Variants in NELL1 observed in about 807,000 individuals in gnomAD.
NELL1 encodes protein kinase C-binding protein NELL1.
In NELL1, 76 loss-of-function variants were observed where a neutral mutation model predicts 107.4. The observed-to-expected ratio is 0.71, with a 90% CI of 0.59 to 0.86. NELL1 has a LOEUF of 0.86. Among genes scored for constraint, NELL1 ranks in the 40% least tolerant of loss-of-function variants. The pLI, the probability that NELL1 is intolerant of heterozygous loss-of-function variation, is 0.00. For missense variants in NELL1, 1,024 were observed against 1,005.5 expected (o/e 1.02, Z -0.25); for synonymous variants, 353 against 341.2 (o/e 1.03, Z -0.38).
chr11:21,320,278 T>G (rs981511646), intron 14 of NELL1, among the ~76,000 whole-genome samples: 2 of 152,180 alleles, frequency 1.3e-5, no homozygotes, highest in African/African-American at 4.8e-5. Context: ...ATTATTTTTG[T>G]TTTTCCTCTG....
chr11:21,305,797 A>C (rs1274421029), intron 14 of NELL1, among the ~76,000 whole-genome samples: 1 of 151,996 alleles, frequency 6.6e-6, no homozygotes, highest in Non-Finnish European at 1.5e-5. Context: ...ATATTATTCT[A>C]TTTTGAACAA....
chr11:20,933,792 G>A (rs530617086), intron 9 of NELL1, among the ~76,000 whole-genome samples: 1 of 152,244 alleles, frequency 6.6e-6, no homozygotes, highest in Non-Finnish European at 1.5e-5. Flanking sequence ...TCCAATCATT[G>A]CACCAGAAAA....
At position 20,693,654 on chromosome 11, in the gene NELL1, C is replaced by T. The variant is rs181982263; in HGVS notation, c.184+15594C>T. Reference sequence around the variant, plus strand: ...CTTGTAGAGTTTCTGCCGAGAGATCCGCTGTTAGTCTGATGGGCTTCCCTT... The same window carrying T: ...CTTGTAGAGTTTCTGCCGAGAGATCTGCTGTTAGTCTGATGGGCTTCCCTT... On this transcript the variant is annotated intron_variant, in intron 2 of 19. Transcript: ENST00000357134. 5.3e-4 allele frequency among the ~76,000 whole-genome samples: 81 copies of T among 152,148 alleles called. 1 individual carries two copies. The highest frequency in any genetic ancestry group is 5.3e-4 in the Non-Finnish European group (36 of 68,004).
At chr11:20,839,843 C>A (rs1422690958) in intron 3 of NELL1, among the ~76,000 whole-genome samples, 3 of 152,148 alleles carry the variant, frequency 2.0e-5, no homozygotes, top group Non-Finnish European at 2.9e-5. Flanking sequence ...AGAAGTTTGT[C>A]TGGGAAAATC....
intron 2 of NELL1, among the ~76,000 whole-genome samples, chr11:20,717,805 A>G (rs975201358): frequency 6.6e-6 from 1 of 152,166 alleles, no homozygotes; most frequent in African/African-American, 2.4e-5. Flanking sequence ...CCAGTAAATA[A>G]TAAATAACTC....
chr11:21,204,028 T>A (rs2133851825), intron 13 of NELL1, among the ~76,000 whole-genome samples: 1 of 152,304 alleles, frequency 6.6e-6, no homozygotes, highest in South Asian at 2.1e-4. Flanking sequence ...CCTTACTCTC[T>A]GGCTGCCCTT....
intron 5 of NELL1, among the ~76,000 whole-genome samples, chr11:20,900,095 C>T (rs1849839613): frequency 6.6e-6 from 1 of 152,064 alleles, no homozygotes; most frequent in Admixed American, 6.6e-5. Flanking sequence ...TCCATGGGTT[C>T]ATTTGTGCAT....
chr11:21,259,061 A>G (rs1363314945), intron 14 of NELL1, among the ~76,000 whole-genome samples: 1 of 151,930 alleles, frequency 6.6e-6, no homozygotes, highest in African/African-American at 2.4e-5. Flanking sequence ...TTTGTCTTTG[A>G]CAAAGAATGC....
intron 15 of NELL1, among the ~76,000 whole-genome samples, chr11:21,390,541 G>GACACACACACACACA (rs1851850703): frequency 7.0e-6 from 1 of 142,864 alleles, no homozygotes; most frequent in South Asian, 2.4e-4. Flanking sequence ...ACACACACGT[G>GACACACACACACACA]CGCACGCACC....
At chr11:21,489,399 A>AAAAAAAAAAAAAAAAAC (rs1854737690) in intron 15 of NELL1, among the ~76,000 whole-genome samples, 2 of 145,704 alleles carry the variant, frequency 1.4e-5, no homozygotes, top group African/African-American at 2.5e-5. Context: ...AAAAAAAAAA[A>AAAAAAAAAAAAAAAAAC]AAAAAAAAAC....
chr11:20,967,800 G>A (rs1383915342), intron 12 of NELL1, among the ~76,000 whole-genome samples: 1 of 152,156 alleles, frequency 6.6e-6, no homozygotes, highest in Non-Finnish European at 1.5e-5. Flanking sequence ...CTACTCTCCT[G>A]TTGAAATTTG....
At chr11:21,203,430 CTTTTTT>C (rs35689054) in intron 13 of NELL1, among the ~76,000 whole-genome samples, 1 of 101,310 alleles carries the variant, frequency 9.9e-6, no homozygotes, top group Admixed American at 1.0e-4. Flanking sequence ...GCAACCCTTG[CTTTTTT>C]TTTTTTTTTT....
chr11:21,080,275 A>C (rs1565048410), intron 12 of NELL1, among the ~76,000 whole-genome samples: 1 of 152,086 alleles, frequency 6.6e-6, no homozygotes, highest in Non-Finnish European at 1.5e-5. Flanking sequence ...GAAATGTGTT[A>C]ATATAGCTAC....
intron 15 of NELL1, among the ~76,000 whole-genome samples, chr11:21,429,495 G>A (rs1852915076): frequency 6.6e-6 from 1 of 152,150 alleles, no homozygotes. Context: ...TGGGCAAAGG[G>A]GCTTCAATCC....
At chr11:20,731,445 G>C (rs1009456404) in intron 2 of NELL1, among the ~76,000 whole-genome samples, 5 of 152,212 alleles carry the variant, frequency 3.3e-5, no homozygotes, top group African/African-American at 9.6e-5. Flanking sequence ...GGTAGCTTAG[G>C]TTAGAGGGGG....
At chr11:21,302,727 G>A (rs916139320) in intron 14 of NELL1, among the ~76,000 whole-genome samples, 8 of 151,818 alleles carry the variant, frequency 5.3e-5, no homozygotes, top group African/African-American at 1.9e-4. Flanking sequence ...TCCTGTGAGT[G>A]AAACACTGCT....
chr11:20,886,608 G>A (rs962563377), intron 5 of NELL1, among the ~76,000 whole-genome samples: 6 of 152,076 alleles, frequency 3.9e-5, no homozygotes, highest in African/African-American at 1.4e-4. Flanking sequence ...AAAAAATTAA[G>A]GTGTAATTCC....
chr11:20,810,899 A>G lies in NELL1; in HGVS notation c.335+27069A>G, dbSNP rs998544656. The stretch of plus-strand genomic sequence containing the variant: ...TTGTAGTTTCTTATATATTTTTTAT[A>G]TTAACCCCTTATCAGATGTATAGTT... On this transcript the variant is annotated intron_variant, in intron 3 of 19. Transcript: ENST00000357134. Among the ~76,000 whole-genome samples the G allele has an allele frequency of 5.3e-5, 8 of 151,838 alleles. No individual in the cohort carries two copies. In the South Asian group the frequency reaches 1.0e-3, roughly 20 times the overall value.
intron 1 of NELL1, among the ~76,000 whole-genome samples, chr11:20,672,417 A>G (rs1039382998): frequency 1.3e-5 from 2 of 152,248 alleles, no homozygotes; most frequent in Non-Finnish European, 2.9e-5. Context: ...GATATCAGGC[A>G]CATTTTAATT....
Sources: allele counts gnomAD v4.1 joint callset (sites outside exome capture counted in the v4.1 genomes callset), GRCh38; gene constraint gnomAD v4.1.1; transcripts MANE v1.5; gene names NCBI Gene and HGNC (gene_info 2026-07-23, HGNC 2026-07-21).